The following THRAP3 variants were observed in gnomAD, a reference collection of about 807,000 sequenced individuals.
THRAP3 encodes thyroid hormone receptor associated protein 3.
A neutral mutation model predicts 101.0 loss-of-function variants in THRAP3; 16 were observed. The ratio of observed to expected loss-of-function variants is 0.16; its 90% CI spans 0.11 to 0.24. The LOEUF is 0.24. THRAP3 is among the 10% of genes least tolerant of loss of function. The pLI is 1.00. For missense variants in THRAP3, 989 were observed against 1,202.7 expected, an observed-to-expected ratio of 0.82 and a Z score of 2.63; for synonymous variants, 407 against 422.6, an observed-to-expected ratio of 0.96 and a Z score of 0.45.
intron 1 of THRAP3, among the ~76,000 whole-genome samples, chr1:36,254,511 C>A (rs1272811322): frequency 1.3e-5 from 2 of 152,130 alleles, no homozygotes; most frequent in Non-Finnish European, 2.9e-5. Flanking sequence ...GTGATACTGC[C>A]TATGCATGGT....
intron 2 of THRAP3, among the ~76,000 whole-genome samples, chr1:36,265,757 A>T (rs553487063): frequency 6.6e-6 from 1 of 152,298 alleles, no homozygotes; most frequent in South Asian, 2.1e-4. Context: ...TGCTGTACAT[A>T]TCAACCCGTC....
At chr1:36,208,053 A>G in the THRAP3 span, among the ~76,000 whole-genome samples, 1 of 152,096 alleles carries the variant, frequency 6.6e-6, no homozygotes, top group Non-Finnish European at 1.5e-5. Flanking sequence ...TCAGCCTACC[A>G]AAGTGCTGGG....
At chr1:36,225,769 G>A (rs1214508717) in intron 1 of THRAP3, among the ~76,000 whole-genome samples, 1 of 152,204 alleles carries the variant, frequency 6.6e-6, no homozygotes, top group African/African-American at 2.4e-5. Flanking sequence ...AACTTGTGGA[G>A]CAAATCGGGC....
At chr1:36,260,023 C>G (rs1645424571) in intron 2 of THRAP3, among the ~76,000 whole-genome samples, 1 of 151,756 alleles carries the variant, frequency 6.6e-6, no homozygotes. Context: ...CAGGTGATCA[C>G]TTGAGGTCAA....
chr1:36,247,984 A>T (rs891890224), intron 1 of THRAP3, among the ~76,000 whole-genome samples: 1 of 149,652 alleles, frequency 6.7e-6, no homozygotes, highest in African/African-American at 2.5e-5. Flanking sequence ...GGTTCAAGCG[A>T]TTTTCCTGCC....
At position 36,242,814 on chromosome 1, in the gene THRAP3, T is replaced by C. The variant is rs544117963; in HGVS notation, c.-134-16568T>C. Among the ~76,000 whole-genome samples the C allele has an allele frequency of 1.2e-4, 18 of 152,356 alleles. No homozygotes were observed. The South Asian group carries it at 1.9e-3, about 16-fold the overall frequency. Reference sequence around the variant, plus strand: ...AGTCTTTACCTTTATGGTTTGTACTTATAGAATTTTGTTTGAAATCCTTCC... The same window carrying C: ...AGTCTTTACCTTTATGGTTTGTACTCATAGAATTTTGTTTGAAATCCTTCC... On this transcript the variant is annotated intron_variant, in intron 1 of 11. Coordinates refer to ENST00000354618, the MANE Select transcript of THRAP3 (RefSeq NM_005119.4).
intron 3 of THRAP3, among the ~76,000 whole-genome samples, chr1:36,283,437 C>G (rs1324935080): frequency 6.6e-6 from 1 of 152,124 alleles, no homozygotes; most frequent in Non-Finnish European, 1.5e-5. Flanking sequence ...AGTGTTTAAA[C>G]TTTCTTTTGT....
At chr1:36,278,650 G>A (rs1215653219) in intron 2 of THRAP3, among the ~76,000 whole-genome samples, 8 of 152,162 alleles carry the variant, frequency 5.3e-5, no homozygotes, top group Admixed American at 6.5e-5. Flanking sequence ...TGTGCCAGGC[G>A]TGGTGGATCA....
At chr1:36,239,745 A>C (rs559579182) in intron 1 of THRAP3, among the ~76,000 whole-genome samples, 1 of 152,352 alleles carries the variant, frequency 6.6e-6, no homozygotes, top group East Asian at 1.9e-4. Context: ...ACAATTGTAC[A>C]GTACAGTGAG....
At chr1:36,227,202 C>T (rs1644971861) in intron 1 of THRAP3, among the ~76,000 whole-genome samples, 1 of 152,066 alleles carries the variant, frequency 6.6e-6, no homozygotes, top group Admixed American at 6.6e-5. Context: ...ATTAGGGAAG[C>T]CATTGAAGCC....
chr1:36,210,104 C>T, the THRAP3 span, among the ~76,000 whole-genome samples: 4 of 152,138 alleles, frequency 2.6e-5, no homozygotes, highest in East Asian at 1.9e-4. Flanking sequence ...CAGTGGCTCA[C>T]GCCTGTAATC....
chr1:36,244,725 T>G (rs927012492), intron 1 of THRAP3, among the ~76,000 whole-genome samples: 4 of 151,592 alleles, frequency 2.6e-5, no homozygotes, highest in Admixed American at 2.6e-4. Flanking sequence ...CTTGTGGGTT[T>G]TTTTTTTTTT....
At chr1:36,295,646 T>C (rs1645939578) in intron 8 of THRAP3, among the ~76,000 whole-genome samples, 1 of 151,864 alleles carries the variant, frequency 6.6e-6, no homozygotes, top group African/African-American at 2.4e-5. Flanking sequence ...TTTCTTTGGT[T>C]TCTTTCCCCC....
chr1:36,230,189 G>T (rs1371748426), intron 1 of THRAP3, among the ~76,000 whole-genome samples: 1 of 151,498 alleles, frequency 6.6e-6, no homozygotes, highest in Non-Finnish European at 1.5e-5. Context: ...CTCGATCTCA[G>T]CTGACCGCAA....
At chr1:36,299,812 G>A (rs1471377152) in intron 9 of THRAP3, among the ~76,000 whole-genome samples, 1 of 152,142 alleles carries the variant, frequency 6.6e-6, no homozygotes, top group African/African-American at 2.4e-5. Context: ...CCCGGCCAGA[G>A]ACTCTTATTT....
At chr1:36,241,066 G>C (rs1045713740) in intron 1 of THRAP3, among the ~76,000 whole-genome samples, 1 of 151,886 alleles carries the variant, frequency 6.6e-6, no homozygotes, top group Non-Finnish European at 1.5e-5. Context: ...AATTATCCGG[G>C]CGTGGTGGCA....
rs556968753 is a variant in THRAP3, at chr1:36,282,424, G to A, written c.-31-109G>A. The A allele has an allele frequency of 1.9e-5, 14 of 752,214 alleles. 1 individual carries two copies. The South Asian group carries it at 2.7e-4, about 15-fold the overall frequency. The allele number at this position is 752,214 out of a possible 1,614,324, so 46.6% of individuals were successfully genotyped here. On this transcript the variant is annotated intron_variant, in intron 2 of 11. Coordinates refer to ENST00000354618, the MANE Select transcript of THRAP3 (RefSeq NM_005119.4). The stretch of plus-strand genomic sequence containing the variant: ...TTTTTTTTTTTTTTGTAGATATGGG[G>A]TCTTCTCAAGTTGCCCAGATTAAAA...
chr1:36,229,306 C>A (rs1644997561), intron 1 of THRAP3, among the ~76,000 whole-genome samples: 2 of 151,612 alleles, frequency 1.3e-5, no homozygotes, highest in Admixed American at 6.6e-5. Flanking sequence ...CCGTGTTAGC[C>A]AAGATGGTCT....
At chr1:36,272,236 A>G (rs141786770) in intron 2 of THRAP3, among the ~76,000 whole-genome samples, 10 of 152,232 alleles carry the variant, frequency 6.6e-5, no homozygotes, top group Admixed American at 4.6e-4. Context: ...CCCCAGAGGG[A>G]CATCACCCCC....
Sources: allele counts gnomAD v4.1 joint callset (sites outside exome capture counted in the v4.1 genomes callset), GRCh38; gene constraint gnomAD v4.1.1; transcripts MANE v1.5; gene names NCBI Gene and HGNC (gene_info 2026-07-23, HGNC 2026-07-21).